Variants in POLA1 observed in about 807,000 individuals in gnomAD.
The protein encoded by POLA1 is DNA polymerase alpha 1, catalytic subunit.
In POLA1, 15 loss-of-function variants were observed where a neutral mutation model predicts 124.0. That is an observed-to-expected ratio of 0.12 (90% CI 0.08 to 0.19). The LOEUF (loss-of-function observed/expected upper bound fraction) is 0.19. POLA1 is among the 10% of genes least tolerant of loss of function. POLA1 has a pLI of 1.00. For missense variants in POLA1, 886 were observed against 1,103.4 expected (o/e 0.80, Z 2.79); for synonymous variants, 408 against 389.4 (o/e 1.05, Z -0.56).
rs142857877 is a variant in POLA1, at chrX:24,736,303, G to A, written c.1923+815G>A. ...CTAGCATCCTGAGTTCCTGTGGATA[G>A]GAAGCGATATCTCTGCACCCACTTC... On this transcript the variant is annotated intron_variant, in intron 18 of 36. Coordinates refer to ENST00000379068, the MANE Select transcript of POLA1 (RefSeq NM_001330360.2). Among the ~76,000 whole-genome samples the A allele has an allele frequency of 4.5e-5, 5 of 111,858 alleles. No individual in the cohort carries two copies. The East Asian group carries it at 1.4e-3, about 31-fold the overall frequency.
At chrX:24,873,326 A>G (rs191382578) in intron 34 of POLA1, among the ~76,000 whole-genome samples, 2 of 112,087 alleles carry the variant, frequency 1.8e-5, no homozygotes, top group East Asian at 5.6e-4. Context: ...TTGTAAATGA[A>G]CATACCGTTC....
rs776455267 is a variant in POLA1, at chrX:24,739,378, C to T, written c.2044C>T (p.Arg682Trp). 3.4e-6 allele frequency: 4 copies of T among 1,177,982 alleles called. No individual in the cohort carries two copies. Among genetic ancestry groups the T allele is most frequent in the African/African-American group, 1.8e-5 (1 of 56,090 alleles). ...KRSNMPKLGG[R>W]SGFGERNATC... ...GCTTTTTGTTCCCATCTTGTAGGGC[C>T]GGAGTGGATTTGGTGAAAGAAATGC... The change falls in exon 20 of 37, where the codon CGG becomes TGG. Residue 682 changes from arginine (R) to tryptophan (W), a missense_variant. Physicochemically the swap from Arg to Trp is moderately radical, Grantham distance 101. Transcript: ENST00000379068.
At chrX:24,945,672 G>C (rs2047953212) in intron 36 of POLA1, among the ~76,000 whole-genome samples, 1 of 111,518 alleles carries the variant, frequency 9.0e-6, no homozygotes, top group Non-Finnish European at 1.9e-5. Context: ...AATCTCCGCA[G>C]GTGATTCTGA....
chrX:24,843,704 A>G (rs762994830), intron 34 of POLA1, 27 bp downstream of exon 34: 19 of 1,041,881 alleles, frequency 1.8e-5, no homozygotes, highest in Non-Finnish European at 2.3e-5. Flanking sequence ...ATATTCTTAC[A>G]TACACAACTT....
At chrX:24,967,584 C>CT (rs745918140) in intron 36 of POLA1, among the ~76,000 whole-genome samples, 3 of 110,594 alleles carry the variant, frequency 2.7e-5, no homozygotes, top group Non-Finnish European at 3.8e-5. Context: ...TCGCTTGAAC[C>CT]TGGGAGGTTG....
intron 34 of POLA1, among the ~76,000 whole-genome samples, chrX:24,877,862 A>G (rs770526755): frequency 5.4e-5 from 6 of 110,703 alleles, no homozygotes; most frequent in Non-Finnish European, 1.1e-4. Flanking sequence ...TCTCTTCTGA[A>G]TCTGGCAGAA....
At chrX:24,954,431 G>A (rs574140821) in intron 36 of POLA1, among the ~76,000 whole-genome samples, 1 of 112,089 alleles carries the variant, frequency 8.9e-6, no homozygotes, top group Non-Finnish European at 1.9e-5. Flanking sequence ...CTTGGCTTAC[G>A]GTGATTTGAA....
At chrX:24,859,890 C>T (rs1177305340) in intron 34 of POLA1, among the ~76,000 whole-genome samples, 1 of 112,769 alleles carries the variant, frequency 8.9e-6, no homozygotes. Flanking sequence ...CATCTTTAAT[C>T]TCTTGCTGTC....
At chrX:24,869,356 C>T (rs1045082055) in intron 34 of POLA1, among the ~76,000 whole-genome samples, 1 of 112,524 alleles carries the variant, frequency 8.9e-6, no homozygotes, top group Non-Finnish European at 1.9e-5. Context: ...CATGGGAACA[C>T]ACCCAAAGGC....
At chrX:24,725,450 G>T (rs760732940) in intron 12 of POLA1, among the ~76,000 whole-genome samples, 1 of 110,487 alleles carries the variant, frequency 9.1e-6, no homozygotes, top group Non-Finnish European at 1.9e-5. Context: ...CGCCCGCCTC[G>T]GCCTCCCAAA....
chrX:24,704,515 A>G lies in POLA1; in HGVS notation c.346+46A>G, dbSNP rs1928670759. The G allele has an allele frequency of 3.5e-6, 3 of 863,227 alleles. No homozygotes were observed. In the East Asian group the frequency reaches 9.3e-5, roughly 27 times the overall value. The allele number at this position is 863,227 out of a possible 1,213,427, so 71.1% of individuals were successfully genotyped here. A position where few individuals can be genotyped will look rare whatever the true frequency, so the allele number is the denominator to read the frequency against. ...AGGGTGTTGTTTTGAGATTTAAAGA[A>G]TTCTCTAAAATTAGAGATGACTTGA... is the stretch of plus-strand genomic sequence containing the variant. On this transcript the variant is annotated intron_variant, in intron 4 of 36. Coordinates refer to ENST00000379068, the MANE Select transcript of POLA1 (RefSeq NM_001330360.2).
At chrX:24,732,539 T>G (rs1930978467) in intron 16 of POLA1, 85 bp downstream of exon 16, 1 of 591,749 alleles carries the variant, frequency 1.7e-6, no homozygotes, top group Non-Finnish European at 2.8e-6. Context: ...CAGTAACTTG[T>G]TTTTCAAAAA....
intron 26 of POLA1, among the ~76,000 whole-genome samples, chrX:24,754,548 C>T (rs1303058141): frequency 2.7e-5 from 3 of 111,703 alleles, no homozygotes; most frequent in Non-Finnish European, 5.6e-5. Flanking sequence ...GCCACCGCAC[C>T]CCGCTGTGAT....
chrX:24,866,710 T>G, intron 34 of POLA1, among the ~76,000 whole-genome samples: 1 of 112,160 alleles, frequency 8.9e-6, no homozygotes, highest in Non-Finnish European at 1.9e-5. Context: ...TTAAAAATGA[T>G]CTCACTTTCA....
chrX:24,783,396 T>G (rs906803340), intron 26 of POLA1, among the ~76,000 whole-genome samples: 2 of 111,865 alleles, frequency 1.8e-5, no homozygotes, highest in Admixed American at 1.9e-4. Context: ...ACCTGAATTA[T>G]CTAAATTTCA....
chrX:24,847,772 TAGTA>T (rs2046495712), intron 34 of POLA1, among the ~76,000 whole-genome samples: 1 of 112,350 alleles, frequency 8.9e-6, no homozygotes, highest in Non-Finnish European at 1.9e-5. Context: ...TCTTGATGTT[TAGTA>T]GCCAAGGAAC....
At chrX:24,753,338 TA>T (rs1932424551) in intron 26 of POLA1, among the ~76,000 whole-genome samples, 1 of 102,171 alleles carries the variant, frequency 9.8e-6, no homozygotes, top group African/African-American at 3.6e-5. Flanking sequence ...TATTTTATTT[TA>T]TTTTATTTTA....
chrX:24,807,968 A>G (rs746023246), intron 26 of POLA1, among the ~76,000 whole-genome samples: 2 of 112,263 alleles, frequency 1.8e-5, no homozygotes, highest in East Asian at 5.6e-4. Flanking sequence ...AAGAGGATCT[A>G]TGTAAAAGAA....
In POLA1 at chrX:24,741,476, A is replaced by G; in HGVS notation, c.2318A>G (p.Gln773Arg). ...CTAAATGTTCTTCCATTAGCATTGC[A>G]GATCACTAACATCGCTGGGAACATT... ...CELNVLPLAL[Q>R]ITNIAGNIMS... Residue 773 changes from glutamine (Q) to arginine (R), a missense_variant, in exon 21 of 37, where the codon CAG (glutamine) becomes CGG (arginine). By Grantham distance (43) the Gln-to-Arg change is conservative. This residue lies in a region of POLA1 where 182 missense variants were observed against 252.8 expected (regional missense o/e 0.72). Transcript: ENST00000379068. The G allele has an allele frequency of 8.3e-7, 1 of 1,204,327 alleles. No individual in the cohort carries two copies. Among genetic ancestry groups the G allele is most frequent in the East Asian group, 3.0e-5 (1 of 33,810 alleles).
Sources: allele counts gnomAD v4.1 joint callset (sites outside exome capture counted in the v4.1 genomes callset), GRCh38; gene constraint gnomAD v4.1.1; regional missense constraint gnomAD v4.1.1; transcripts MANE v1.5; gene names NCBI Gene and HGNC (gene_info 2026-07-23, HGNC 2026-07-21).